The following IBA57 variants were observed in gnomAD, a reference collection of about 807,000 sequenced individuals.
IBA57 encodes iron-sulfur cluster assembly factor IBA57.
Under a neutral mutation model 20.4 loss-of-function variants are expected in IBA57, and 20 were observed. The observed-to-expected ratio is 0.98, with a 90% CI of 0.69 to 1.42. IBA57 has a LOEUF of 1.42. Ranked by LOEUF, IBA57 falls within the 40% of genes most tolerant of loss-of-function variation. The pLI is 0.00. For synonymous variants in IBA57, 310 were observed against 233.9 expected, an observed-to-expected ratio of 1.33 and a Z score of -2.97; for missense variants, 608 against 499.3, an observed-to-expected ratio of 1.22 and a Z score of -2.07.
chr1:228,169,457 C>T (rs1432536261), intron 1 of IBA57, among the ~76,000 whole-genome samples: 2 of 152,156 alleles, frequency 1.3e-5, no homozygotes, highest in African/African-American at 4.8e-5. Context: ...AGCAAAAGAG[C>T]AGAATGTGCA....
At position 228,174,787 on chromosome 1, in the gene IBA57, G is replaced by A. The variant is rs1425387926; in HGVS notation, c.437G>A (p.Arg146Gln). The change falls in exon 2 of 3, where the codon CGG becomes CAG. Residue 146 changes from arginine to glutamine, a missense_variant. Coordinates refer to ENST00000366711, the MANE Select transcript of IBA57 (RefSeq NM_001010867.4). ...AAGCACCTCGCGCTATACAGGATCC[G>A]GCGGAAGGTCACGGTGGAGCCGCAC... is the stretch of plus-strand genomic sequence containing the variant. ...LQKHLALYRIRRKVTVEPHPE... is the reference protein window; with the variant it reads ...LQKHLALYRIQRKVTVEPHPE... 4 of 1,610,908 alleles carry A rather than the reference G, an allele frequency of 2.5e-6. No homozygotes were observed. Among genetic ancestry groups the A allele is most frequent in the Admixed American group, 3.3e-5 (2 of 59,890 alleles).
At chr1:228,172,536 C>G (rs938377828) in intron 1 of IBA57, 1 of 152,306 alleles carries the variant, frequency 6.6e-6, no homozygotes, top group African/African-American at 2.4e-5. Flanking sequence ...AGAAGTCCCA[C>G]ATGGTGTAGT....
intron 1 of IBA57, among the ~76,000 whole-genome samples, chr1:228,168,113 C>G (rs1280844632): frequency 6.6e-6 from 1 of 152,168 alleles, no homozygotes; most frequent in Admixed American, 6.6e-5. Context: ...CCTCTGCCAC[C>G]CTGAGACGGC....
chr1:228,169,202 C>T (rs1458293182), intron 1 of IBA57, among the ~76,000 whole-genome samples: 1 of 152,178 alleles, frequency 6.6e-6, no homozygotes, highest in Admixed American at 6.5e-5. Flanking sequence ...ACCACCTCTC[C>T]CTGGAAGCCT....
In IBA57 at chr1:228,175,475, G is replaced by C. The variant is rs150912462; in HGVS notation, c.1033G>C (p.Ala345Pro). ...TGAGGGTGCCCAGGTGGCCTTAGCC[G>C]CATCTGTGCCAGACTGGTGGCCTAC... ...ASEGAQVALA[A>P]SVPDWWPTVS... Residue 345 changes from alanine (A) to proline (P), a missense_variant, in exon 3 of 3, where the codon GCA becomes CCA. Ala to Pro is a conservative substitution (Grantham distance 27, BLOSUM62 -1). Coordinates refer to ENST00000366711, the MANE Select transcript of IBA57 (RefSeq NM_001010867.4). The C allele has an allele frequency of 6.3e-7, 1 of 1,595,604 alleles. No homozygotes were observed. The highest frequency in any genetic ancestry group is 8.6e-7 in the Non-Finnish European group (1 of 1,169,404).
intron 1 of IBA57, among the ~76,000 whole-genome samples, chr1:228,167,630 T>A (rs1462250744): frequency 1.3e-5 from 2 of 152,214 alleles, no homozygotes; most frequent in Non-Finnish European, 2.9e-5. Flanking sequence ...GTGCAGGGAT[T>A]ACAGGTGTGA....
In IBA57 at chr1:228,178,026, T is replaced by A. The variant is rs973575227; in HGVS notation, c.*2513T>A. ...AAGTTCGTGTGTGTGTGTGTGTGTGTGAATTCAAGGCATAAGGTGCAGTTG... is the reference window on the plus strand; with the variant it reads ...AAGTTCGTGTGTGTGTGTGTGTGTGAGAATTCAAGGCATAAGGTGCAGTTG... On this transcript the variant is annotated 3_prime_UTR_variant, in exon 3 of 3. Coordinates refer to ENST00000366711, the MANE Select transcript of IBA57 (RefSeq NM_001010867.4). The A allele has an allele frequency of 6.6e-6, 1 of 152,116 alleles. No homozygotes were observed. The highest frequency in any genetic ancestry group is 2.4e-5 in the African/African-American group (1 of 41,334). 9.4% of individuals were successfully genotyped at this position (152,116 alleles called of 1,614,324 possible).
chr1:228,175,093 C>T (rs1245216840), intron 2 of IBA57, 29 bp from the exon 3 acceptor site: 11 of 1,596,850 alleles, frequency 6.9e-6, no homozygotes, highest in African/African-American at 1.3e-5. Flanking sequence ...GTTCAATTCT[C>T]GCTGGTTTCC....
Position 228,165,821 on chromosome 1 carries a change from C to T in IBA57, c.5C>T (p.Ala2Val), listed in dbSNP as rs1228032708. 2 of 1,299,292 alleles carry T rather than the reference C, an allele frequency of 1.5e-6. No homozygotes were observed. The highest frequency in any genetic ancestry group is 9.7e-7 in the Non-Finnish European group (1 of 1,028,084). 80.5% of individuals were successfully genotyped at this position (1,299,292 alleles called of 1,614,324 possible). Residue 2 changes from alanine (A) to valine (V), a missense_variant, in exon 1 of 3, where the codon GCG (alanine) becomes GTG (valine). Ala to Val is a moderately conservative substitution (Grantham distance 64). Coordinates refer to ENST00000366711, the MANE Select transcript of IBA57 (RefSeq NM_001010867.4). ...GCTGCCCCACTCTTGTCCAAGATGGCGACCGCGGCGCTGCTTCGAGGCGCC... is the reference window on the plus strand; with the variant it reads ...GCTGCCCCACTCTTGTCCAAGATGGTGACCGCGGCGCTGCTTCGAGGCGCC... MATAALLRGATP... is the reference protein window; with the variant it reads MVTAALLRGATP...
In IBA57 at chr1:228,175,376, GCTGGCCAGGGCAA is replaced by G; in HGVS notation, c.936_948del (p.Gly313TrpfsTer27). 1 of 1,613,008 alleles carries G rather than the reference GCTGGCCAGGGCAA, an allele frequency of 6.2e-7. No homozygotes were observed. Among genetic ancestry groups the G allele is most frequent in the Middle Eastern group, 1.6e-4 (1 of 6,062 alleles). ...AGGACAGACTGTGGGCAAGTTCAGG[GCTGGCCAGGGCAA>G]CGTGGGGCTGGCCCTGCTGTGGTCA... On this transcript the variant is annotated frameshift_variant, in exon 3 of 3. Coordinates refer to ENST00000366711, the MANE Select transcript of IBA57 (RefSeq NM_001010867.4). LOFTEE classifies it low-confidence loss of function (END_TRUNC).
At position 228,179,846 on chromosome 1, in the gene IBA57, C is replaced by T. The variant is rs1272360997; in HGVS notation, c.*4333C>T. 1.3e-5 allele frequency: 2 copies of T among 151,958 alleles called. No individual in the cohort carries two copies. The highest frequency in any genetic ancestry group is 1.3e-4 in the Admixed American group (2 of 15,254). 9.4% of individuals were successfully genotyped at this position (151,958 alleles called of 1,614,324 possible). On this transcript the variant is annotated 3_prime_UTR_variant, in exon 3 of 3. Transcript: ENST00000366711. ...ATAGTGATAGCCTAGAATTGTGTAC[C>T]CAGAAAATCCGTCTTTCAAGAATGA...
rs142570640 is a variant in IBA57 at position 228,167,053 on chromosome 1, C to A, written c.341+896C>A. Among the ~76,000 whole-genome samples, 5 of 152,346 alleles carry A rather than the reference C, an allele frequency of 3.3e-5. No individual in the cohort carries two copies. The East Asian group carries it at 9.6e-4, about 29-fold the overall frequency. On this transcript the variant is annotated intron_variant, in intron 1 of 2. Coordinates refer to ENST00000366711, the MANE Select transcript of IBA57 (RefSeq NM_001010867.4). ...CTTGGAAATTGTCACCGACAATGTT[C>A]ACATCACAACTTTGTTTTCTCGCTG...
At position 228,174,903 on chromosome 1, in the gene IBA57, C is replaced by T; in HGVS notation, c.553C>T (p.Leu185Phe). Residue 185 changes from leucine (L) to phenylalanine (F), a missense_variant, in exon 2 of 3, where the codon CTC (leucine) becomes TTC (phenylalanine). Transcript: ENST00000366711. Reference sequence around the variant, plus strand: ...GGAGAGGGCAGGGGCTGCCGCCATCCTCATCCGCGACCCGCGAACAGCACG... The same window carrying T: ...GGAGAGGGCAGGGGCTGCCGCCATCTTCATCCGCGACCCGCGAACAGCACG... ...LQERAGAAAI[L>F]IRDPRTARMG... is the part of the protein sequence containing the mutation. 6.2e-7 allele frequency: 1 copy of T among 1,602,930 alleles called. No homozygotes were observed. Among genetic ancestry groups the T allele is most frequent in the Non-Finnish European group, 8.5e-7 (1 of 1,174,580 alleles).
chr1:228,181,937 A>G lies in IBA57; in HGVS notation c.*6424A>G, dbSNP rs1558129732. The G allele has an allele frequency of 6.6e-6, 1 of 152,262 alleles. No individual in the cohort carries two copies. Among genetic ancestry groups the G allele is most frequent in the Non-Finnish European group, 1.5e-5 (1 of 68,050 alleles). The allele number at this position is 152,262 out of a possible 1,614,324, so 9.4% of individuals were successfully genotyped here. Reference sequence around the variant, plus strand: ...TGCCAACCCTGGGGCAGGGAGCCCAAGCTAGGACTGTGACTGTCTGGGCTG... The same window carrying G: ...TGCCAACCCTGGGGCAGGGAGCCCAGGCTAGGACTGTGACTGTCTGGGCTG... On this transcript the variant is annotated 3_prime_UTR_variant, in exon 3 of 3. Coordinates refer to ENST00000366711, the MANE Select transcript of IBA57 (RefSeq NM_001010867.4).
At chr1:228,169,114 G>C (rs1249819656) in intron 1 of IBA57, among the ~76,000 whole-genome samples, 1 of 152,048 alleles carries the variant, frequency 6.6e-6, no homozygotes, top group African/African-American at 2.4e-5. Flanking sequence ...TCGGGCTGCT[G>C]TTGGCTGTTG....
Position 228,174,751 on chromosome 1 carries a change from G to T in IBA57, c.401G>T (p.Gly134Val), listed in dbSNP as rs762417313. The T allele has an allele frequency of 6.2e-7, 1 of 1,606,874 alleles. No homozygotes were observed. The highest frequency in any genetic ancestry group is 2.2e-5 in the East Asian group (1 of 44,782). ...FLLECDSSVQ[G>V]ALQKHLALYR... Reference sequence around the variant, plus strand: ...CTGGAGTGTGACAGCTCGGTGCAGGGCGCGCTGCAGAAGCACCTCGCGCTA... The same window carrying T: ...CTGGAGTGTGACAGCTCGGTGCAGGTCGCGCTGCAGAAGCACCTCGCGCTA... The change falls in exon 2 of 3, where the codon GGC (glycine) becomes GTC (valine). Residue 134 changes from glycine to valine, a missense_variant. Coordinates refer to ENST00000366711, the MANE Select transcript of IBA57 (RefSeq NM_001010867.4).
chr1:228,175,649 CCTTGT>C lies in IBA57; in HGVS notation c.*137_*141del. ...CCTGGTTTCCATCTGGGAAAGTCCC[CCTTGT>C]AGGTGCCCTGCCTGGCCCCACCCAT... On this transcript the variant is annotated 3_prime_UTR_variant, in exon 3 of 3. Transcript: ENST00000366711. The C allele has an allele frequency of 8.5e-7, 1 of 1,179,798 alleles. No homozygotes were observed. The highest frequency in any genetic ancestry group is 1.1e-6 in the Non-Finnish European group (1 of 877,808). The allele number at this position is 1,179,798 out of a possible 1,614,324, so 73.1% of individuals were successfully genotyped here.
chr1:228,168,789 G>T (rs1214997085), intron 1 of IBA57, among the ~76,000 whole-genome samples: 1 of 152,188 alleles, frequency 6.6e-6, no homozygotes, highest in Non-Finnish European at 1.5e-5. Flanking sequence ...TCTGAGATGT[G>T]ACACAACGTC....
chr1:228,174,183 G>A (rs1332823181), intron 1 of IBA57, among the ~76,000 whole-genome samples: 1 of 93,368 alleles, frequency 1.1e-5, no homozygotes, highest in African/African-American at 4.7e-5. Flanking sequence ...CTCGCTGTGG[G>A]CGTGGCTCGC....
Sources: gnomAD v4.1 joint callset for allele counts (sites outside exome capture counted in the v4.1 genomes callset) on GRCh38, gnomAD v4.1.1 for gene constraint, MANE v1.5 for transcripts, NCBI Gene and HGNC (gene_info 2026-07-23, HGNC 2026-07-21) for gene names.